The following FTO variants were observed in gnomAD, a reference collection of about 807,000 sequenced individuals.
FTO encodes the protein FTO alpha-ketoglutarate dependent dioxygenase.
A neutral mutation model predicts 63.9 loss-of-function variants in FTO; 47 were observed. The ratio of observed to expected loss-of-function variants is 0.74; its 90% CI spans 0.58 to 0.94. The LOEUF (loss-of-function observed/expected upper bound fraction) is 0.94, where lower values mean the gene tolerates loss of function less well. Among genes scored for constraint, FTO ranks in the 40% least tolerant of loss-of-function variants. FTO has a pLI of 0.00. For missense variants in FTO, 562 were observed against 618.1 expected (o/e 0.91, Z 0.96); for synonymous variants, 207 against 224.4 (o/e 0.92, Z 0.69).
At chr16:53,992,039 G>C (rs1026445730) in intron 8 of FTO, 1 of 152,070 alleles carries the variant, frequency 6.6e-6, no homozygotes, top group East Asian at 1.9e-4. Flanking sequence ...GACTTTGAGC[G>C]TTAGAAGTTT....
At chr16:54,001,237 A>C (rs952393275) in intron 8 of FTO, among the ~76,000 whole-genome samples, 1 of 152,194 alleles carries the variant, frequency 6.6e-6, no homozygotes, top group Non-Finnish European at 1.5e-5. Context: ...AATGAGAGAA[A>C]GTGCAAGGAA....
intron 8 of FTO, among the ~76,000 whole-genome samples, chr16:53,971,094 A>G (rs1191427647): frequency 1.3e-5 from 2 of 152,224 alleles, no homozygotes; most frequent in African/African-American, 4.8e-5. Context: ...ACTTACTGTT[A>G]GAAGCAGTTT....
chr16:53,837,098 G>A (rs1323693238), intron 3 of FTO, among the ~76,000 whole-genome samples: 1 of 152,180 alleles, frequency 6.6e-6, no homozygotes, highest in Non-Finnish European at 1.5e-5. Context: ...TGTTTGAGAA[G>A]TATCTCTGCT....
intron 7 of FTO, among the ~76,000 whole-genome samples, chr16:53,924,548 C>T (rs1389312893): frequency 6.6e-6 from 1 of 151,728 alleles, no homozygotes; most frequent in Non-Finnish European, 1.5e-5. Flanking sequence ...TGCCTTTGTG[C>T]CTTCCTTTCA....
intron 1 of FTO, among the ~76,000 whole-genome samples, chr16:53,790,579 C>CAAAA (rs34860208): frequency 7.2e-5 from 4 of 55,198 alleles, no homozygotes; most frequent in East Asian, 6.9e-4. Flanking sequence ...CAAAATAAAG[C>CAAAA]AAAAAAAAAA....
At chr16:54,068,040 G>C (rs1275813610) in intron 8 of FTO, among the ~76,000 whole-genome samples, 2 of 151,722 alleles carry the variant, frequency 1.3e-5, no homozygotes, top group Admixed American at 6.6e-5. Context: ...TTTTTGGTTG[G>C]ACTATCTTCT....
chr16:53,891,031 C>A (rs1394566045), intron 7 of FTO, among the ~76,000 whole-genome samples: 2 of 150,530 alleles, frequency 1.3e-5, no homozygotes. Flanking sequence ...TGCTCTGTTG[C>A]CCAGGCTGGA....
intron 2 of FTO, among the ~76,000 whole-genome samples, chr16:53,817,080 A>G (rs1668636457): frequency 6.6e-6 from 1 of 152,232 alleles, no homozygotes; most frequent in Non-Finnish European, 1.5e-5. Context: ...ATGCTGTCAA[A>G]TAGGACCTAT....
chr16:53,943,391 CTG>C (rs1263357343), intron 8 of FTO, among the ~76,000 whole-genome samples: 1 of 152,230 alleles, frequency 6.6e-6, no homozygotes, highest in Non-Finnish European at 1.5e-5. Flanking sequence ...AGCATGAACT[CTG>C]TTTCTGGCAG....
At chr16:53,893,052 A>G (rs1442109184) in intron 7 of FTO, among the ~76,000 whole-genome samples, 2 of 152,124 alleles carry the variant, frequency 1.3e-5, no homozygotes, top group African/African-American at 4.8e-5. Flanking sequence ...CCCAGCGGAT[A>G]GTTTTACTCC....
chr16:53,711,314 A>G lies in FTO; in HGVS notation c.45+7085A>G, dbSNP rs146277314. On this transcript the variant is annotated intron_variant, in intron 1 of 8. Transcript: ENST00000471389. ...CTAGTTTTGTACCACCTTTCAGAAA[A>G]TTGAGAATATAGTCACTCAAACCAT... 6.5e-4 allele frequency: 257 copies of G among 397,574 alleles called. 1 individual carries two copies. Among genetic ancestry groups the G allele is most frequent in the African/African-American group, 4.7e-3 (229 of 48,702 alleles). The allele number at this position is 397,574 out of a possible 1,614,324, so 24.6% of individuals were successfully genotyped here.
At chr16:54,010,003 C>T (rs1367532505) in intron 8 of FTO, among the ~76,000 whole-genome samples, 1 of 148,334 alleles carries the variant, frequency 6.7e-6, no homozygotes, top group Non-Finnish European at 1.5e-5. Context: ...GTTGTAGTGA[C>T]CTTTGTGCAT....
Position 53,844,299 on chromosome 16 carries a change from G to A in FTO, c.895+1G>A, listed in dbSNP as rs2079558510. 1.2e-6 allele frequency: 2 copies of A among 1,611,522 alleles called. No individual in the cohort carries two copies. The highest frequency in any genetic ancestry group is 2.2e-5 in the South Asian group (2 of 91,026). On this transcript the variant is annotated splice_donor_variant, in intron 4 of 8. Transcript: ENST00000471389. LOFTEE classifies it high-confidence loss of function. ...CAAGGAGACTGCTATTTCATGCTTG[G>A]TAATCTTTGGAAAATCAAAATTATA...
chr16:54,051,194 T>C (rs1366081498), intron 8 of FTO, among the ~76,000 whole-genome samples: 1 of 152,182 alleles, frequency 6.6e-6, no homozygotes, highest in Non-Finnish European at 1.5e-5. Context: ...AAAGGGTAAA[T>C]GTTGCTAACA....
At chr16:53,884,841 A>G (rs560156711) in intron 6 of FTO, among the ~76,000 whole-genome samples, 19 of 152,294 alleles carry the variant, frequency 1.2e-4, no homozygotes, top group African/African-American at 4.1e-4. Flanking sequence ...TGTAAGTATC[A>G]TGAAAACTTT....
intron 6 of FTO, among the ~76,000 whole-genome samples, chr16:53,888,551 C>A (rs1469188819): frequency 6.6e-6 from 1 of 152,028 alleles, no homozygotes; most frequent in Admixed American, 6.5e-5. Flanking sequence ...AACTCCTGGC[C>A]TCAAGAGATC....
intron 1 of FTO, among the ~76,000 whole-genome samples, chr16:53,721,346 G>C (rs2076036236): frequency 6.6e-6 from 1 of 152,074 alleles, no homozygotes; most frequent in African/African-American, 2.4e-5. Context: ...AAATAGTGGA[G>C]TTGATTTAGA....
intron 1 of FTO, among the ~76,000 whole-genome samples, chr16:53,715,882 A>T (rs2075883756): frequency 6.6e-6 from 1 of 152,172 alleles, no homozygotes; most frequent in African/African-American, 2.4e-5. Context: ...GTTCATTCAG[A>T]AATACTTAAT....
At chr16:54,077,882 G>A (rs1043712187) in intron 8 of FTO, among the ~76,000 whole-genome samples, 5 of 152,170 alleles carry the variant, frequency 3.3e-5, no homozygotes, top group Admixed American at 1.3e-4. Context: ...TCAGGAACCC[G>A]GACCAGAGTG....
Sources: gnomAD v4.1 joint callset for allele counts (sites outside exome capture counted in the v4.1 genomes callset) on GRCh38, gnomAD v4.1.1 for gene constraint, MANE v1.5 for transcripts, NCBI Gene and HGNC (gene_info 2026-07-23, HGNC 2026-07-21) for gene names.